The following DNAH6 variants were observed in gnomAD, a reference collection of about 807,000 sequenced individuals.
The protein encoded by DNAH6 is dynein axonemal heavy chain 6, also known as axonemal beta dynein heavy chain 6.
A neutral mutation model predicts 491.4 loss-of-function variants in DNAH6; 340 were observed. The ratio of observed to expected loss-of-function variants is 0.69; its 90% CI spans 0.63 to 0.76. DNAH6 has a LOEUF of 0.76. Among genes scored for constraint, DNAH6 ranks in the 30% least tolerant of loss-of-function variants. The probability of loss-of-function intolerance (pLI) is 0.00; values close to 1 mark genes in which losing one functional copy is unlikely to be tolerated. For synonymous variants in DNAH6, 1,603 were observed against 1,686.1 expected, an observed-to-expected ratio of 0.95 and a Z score of 1.21; for missense variants, 4,443 against 4,972.2, an observed-to-expected ratio of 0.89 and a Z score of 3.20.
the DNAH6 span, among the ~76,000 whole-genome samples, chr2:84,509,099 C>T: frequency 2.0e-5 from 3 of 152,168 alleles, no homozygotes; most frequent in Non-Finnish European, 4.4e-5. Flanking sequence ...TGGTGCAGAG[C>T]TGAGTTCAAT....
Position 84,641,348 on chromosome 2 carries a change from T to C in DNAH6, c.4971-599T>C, listed in dbSNP as rs565509072. Among the ~76,000 whole-genome samples the C allele has an allele frequency of 3.3e-5, 5 of 152,298 alleles. No homozygotes were observed. The East Asian group carries it at 7.7e-4, about 24-fold the overall frequency. On this transcript the variant is annotated intron_variant, in intron 32 of 76. Transcript: ENST00000389394. ...GTTCTATCTTTTAACCTCTCAGATA[T>C]AGTATGTCCCCTCTTTACAGGATGG... is the stretch of plus-strand genomic sequence containing the variant.
At chr2:84,638,859 G>A (rs1689117384) in intron 31 of DNAH6, among the ~76,000 whole-genome samples, 1 of 152,084 alleles carries the variant, frequency 6.6e-6, no homozygotes, top group South Asian at 2.1e-4. Flanking sequence ...GGTGAAGTGG[G>A]AGCAGGCACT....
chr2:84,702,728 G>T (rs1696048226), intron 49 of DNAH6, among the ~76,000 whole-genome samples: 1 of 151,964 alleles, frequency 6.6e-6, no homozygotes. Flanking sequence ...ATTTTTAGTA[G>T]AGATGGGGTT....
At chr2:84,507,066 T>C in the DNAH6 span, among the ~76,000 whole-genome samples, 1 of 152,232 alleles carries the variant, frequency 6.6e-6, no homozygotes, top group Non-Finnish European at 1.5e-5. Flanking sequence ...TTTGGTTCCA[T>C]ATGAACTTTA....
At chr2:84,591,826 A>T (rs1024629797) in intron 16 of DNAH6, among the ~76,000 whole-genome samples, 3 of 152,232 alleles carry the variant, frequency 2.0e-5, no homozygotes, top group African/African-American at 7.2e-5. Context: ...CATCTATGGC[A>T]AAGGTGCCAA....
At chr2:84,689,794 G>A (rs530544470) in intron 45 of DNAH6, among the ~76,000 whole-genome samples, 8 of 152,258 alleles carry the variant, frequency 5.3e-5, no homozygotes, top group African/African-American at 1.4e-4. Context: ...TAGGTAAATG[G>A]TCCAAAGTCT....
intron 11 of DNAH6, among the ~76,000 whole-genome samples, chr2:84,571,536 CAT>C (rs1681870893): frequency 1.3e-5 from 2 of 152,116 alleles, no homozygotes; most frequent in East Asian, 3.8e-4. Flanking sequence ...AAAACACACA[CAT>C]GCACATATAC....
chr2:84,528,731 G>A (rs1235788720), intron 3 of DNAH6, among the ~76,000 whole-genome samples, 173 bp from the exon 4 acceptor site: 1 of 152,132 alleles, frequency 6.6e-6, no homozygotes, highest in Non-Finnish European at 1.5e-5. Flanking sequence ...GTACTGAGAA[G>A]GAATATGACT....
intron 2 of DNAH6, among the ~76,000 whole-genome samples, chr2:84,522,300 C>T (rs1676228910): frequency 1.3e-5 from 2 of 152,008 alleles, no homozygotes; most frequent in South Asian, 4.1e-4. Context: ...TACAGGAATG[C>T]TAGTAATTTT....
At chr2:84,646,828 T>C (rs1403156163) in intron 33 of DNAH6, among the ~76,000 whole-genome samples, 1 of 152,170 alleles carries the variant, frequency 6.6e-6, no homozygotes, top group Non-Finnish European at 1.5e-5. Flanking sequence ...TTGCTTCTTA[T>C]AGATTAGCAA....
chr2:84,745,665 C>CAAAAAAAA (rs34589141), intron 63 of DNAH6, among the ~76,000 whole-genome samples: 3 of 61,930 alleles, frequency 4.8e-5, no homozygotes, highest in African/African-American at 5.4e-5. Flanking sequence ...GACACTGTCT[C>CAAAAAAAA]AAAAAAAAAA....
intron 4 of DNAH6, among the ~76,000 whole-genome samples, chr2:84,537,233 A>G (rs1360243765): frequency 6.6e-6 from 1 of 152,090 alleles, no homozygotes; most frequent in African/African-American, 2.4e-5. Context: ...TTAGTAAATT[A>G]TAGCTGCATT....
intron 4 of DNAH6, among the ~76,000 whole-genome samples, chr2:84,538,976 A>T (rs926297807): frequency 3.0e-4 from 45 of 152,158 alleles, no homozygotes; most frequent in African/African-American, 6.3e-4. Flanking sequence ...AATTATTTTT[A>T]AAAAAACTTT....
At chr2:84,490,151 T>G in the DNAH6 span, among the ~76,000 whole-genome samples, 8 of 152,200 alleles carry the variant, frequency 5.3e-5, no homozygotes, top group Non-Finnish European at 1.2e-4. Context: ...ATCTACCACA[T>G]ATTGTTTTCC....
At chr2:84,651,498 G>A (rs191815335) in intron 33 of DNAH6, among the ~76,000 whole-genome samples, 42 of 152,308 alleles carry the variant, frequency 2.8e-4, no homozygotes, top group Non-Finnish European at 5.9e-5. Context: ...TTAGAGTAGA[G>A]CAGTTATTGC....
At chr2:84,532,912 A>C (rs1440917804) in intron 4 of DNAH6, among the ~76,000 whole-genome samples, 2 of 152,200 alleles carry the variant, frequency 1.3e-5, no homozygotes, top group Non-Finnish European at 2.9e-5. Context: ...TATGCACATC[A>C]TTATAAAGTG....
At chr2:84,803,594 CATT>C (rs202056949) in intron 70 of DNAH6, among the ~76,000 whole-genome samples, 1,776 of 151,356 alleles carry the variant, frequency 0.012, 12 homozygotes, top group Non-Finnish European at 0.019. Flanking sequence ...GTTAAAAAAA[CATT>C]ATGAATAATT....
At chr2:84,816,161 T>G in intron 76 of DNAH6, 78 bp downstream of exon 76, 1 of 1,179,216 alleles carries the variant, frequency 8.5e-7, no homozygotes, top group South Asian at 1.5e-5. Flanking sequence ...AAGCTGTGAT[T>G]GGCTCAAGAT....
intron 22 of DNAH6, 79 bp from the exon 23 acceptor site, chr2:84,616,807 C>T (rs1267860601): frequency 1.6e-6 from 1 of 633,840 alleles, no homozygotes; most frequent in Non-Finnish European, 2.5e-6. Context: ...AAATTGATTA[C>T]ATTTTAAAGT....
Sources: gnomAD v4.1 joint callset for allele counts (sites outside exome capture counted in the v4.1 genomes callset) on GRCh38, gnomAD v4.1.1 for gene constraint, MANE v1.5 for transcripts, NCBI Gene and HGNC (gene_info 2026-07-23, HGNC 2026-07-21) for gene names.